The following TSPAN31 variants were observed in gnomAD, a reference collection of about 807,000 sequenced individuals.
TSPAN31 encodes tetraspanin-31.
TSPAN31 carries 16 observed loss-of-function variants against 24.8 expected under a neutral mutation model. The ratio of observed to expected loss-of-function variants is 0.64; its 90% CI spans 0.44 to 0.98. The LOEUF is 0.98. Ranked by LOEUF, TSPAN31 falls within the 50% of genes least tolerant of loss-of-function variation. The pLI is 0.00. For missense variants in TSPAN31, 209 were observed against 251.6 expected, an observed-to-expected ratio of 0.83 and a Z score of 1.15; for synonymous variants, 87 against 91.4, an observed-to-expected ratio of 0.95 and a Z score of 0.27.
Position 57,745,230 on chromosome 12 carries a change from A to T in TSPAN31, c.63+13A>T, listed in dbSNP as rs1428413637. 17 of 1,608,522 alleles carry T rather than the reference A, an allele frequency of 1.1e-5. No homozygotes were observed. Among genetic ancestry groups the T allele is most frequent in the Non-Finnish European group, 1.4e-5 (17 of 1,177,464 alleles). On this transcript the variant is annotated intron_variant, in intron 1 of 5. Transcript: ENST00000257910. ...CGTGGTCTACATGGTGAGGTTTTGG[A>T]GGTGGGGGAAGCTTCAAGGCGGAAA... is the stretch of plus-strand genomic sequence containing the variant.
Position 57,749,467 on chromosome 12 carries a change from C to G in TSPAN31, c.*2177C>G, listed in dbSNP as rs1555201123. On this transcript the variant is annotated 3_prime_UTR_variant, in exon 6 of 6. Transcript: ENST00000257910. ...TTGGTCACTTACTCAAAGATTTTGCCCAACTGGTCGGCTTCAGAGTTTCCA... is the reference window on the plus strand; with the variant it reads ...TTGGTCACTTACTCAAAGATTTTGCGCAACTGGTCGGCTTCAGAGTTTCCA... 2 of 1,614,140 alleles carry G rather than the reference C, an allele frequency of 1.2e-6. No homozygotes were observed. Among genetic ancestry groups the G allele is most frequent in the Non-Finnish European group, 1.7e-6 (2 of 1,180,004 alleles).
Position 57,747,802 on chromosome 12 carries a change from G to A in TSPAN31, c.*512G>A. ...CTGTTGCCCAGGCTGGAGTGCAATG[G>A]CATGATCTCGGCTCACCGCAACCTC... On this transcript the variant is annotated 3_prime_UTR_variant, in exon 6 of 6. Coordinates refer to ENST00000257910, the MANE Select transcript of TSPAN31 (RefSeq NM_005981.5). 1 of 167,104 alleles carries A rather than the reference G, an allele frequency of 6.0e-6. No homozygotes were observed. Among genetic ancestry groups the A allele is most frequent in the Non-Finnish European group, 1.3e-5 (1 of 76,942 alleles). The allele number at this position is 167,104 out of a possible 1,614,324, so 10.4% of individuals were successfully genotyped here.
Position 57,748,575 on chromosome 12 carries a change from G to A in TSPAN31, c.*1285G>A, listed in dbSNP as rs587779897. ...TGTAGATAAGAGTGCTGCAGAGCTC[G>A]AAAGGCAGAGATTCGCTTGTGTGGG... On this transcript the variant is annotated 3_prime_UTR_variant, in exon 6 of 6. Transcript: ENST00000257910. 1.2e-6 allele frequency: 2 copies of A among 1,613,990 alleles called. No individual in the cohort carries two copies. The highest frequency in any genetic ancestry group is 1.7e-6 in the Non-Finnish European group (2 of 1,179,876).
Position 57,745,849 on chromosome 12 carries a change from T to C in TSPAN31, c.168T>C (p.Leu56=), listed in dbSNP as rs1442415982. The C allele has an allele frequency of 6.2e-7, 1 of 1,613,866 alleles. No homozygotes were observed. The highest frequency in any genetic ancestry group is 8.5e-7 in the Non-Finnish European group (1 of 1,179,970). ...IGGVIAVGVF[L]LLIAVAGLVG... is the part of the protein sequence containing the mutation. ...GAGTCATTGCTGTGGGAGTCTTCCT[T>C]CTCCTTATTGCAGTGGCTGGACTGG... Residue 56 remains leucine, a synonymous_variant, in exon 2 of 6, where the codon CTT becomes CTC. Transcript: ENST00000257910.
chr12:57,749,200 C>T lies in TSPAN31; in HGVS notation c.*1910C>T, dbSNP rs201744062. 1.9e-5 allele frequency: 30 copies of T among 1,614,052 alleles called. No individual in the cohort carries two copies. The highest frequency in any genetic ancestry group is 3.3e-5 in the South Asian group (3 of 91,084). On this transcript the variant is annotated 3_prime_UTR_variant, in exon 6 of 6. Coordinates refer to ENST00000257910, the MANE Select transcript of TSPAN31 (RefSeq NM_005981.5). ...CCAGTACCAGCAGCAGCTGTGCTCC[C>T]GACTCCTCCATCTCAGGTACCACCG...
chr12:57,748,048 C>T lies in TSPAN31; in HGVS notation c.*758C>T, dbSNP rs1332147070. On this transcript the variant is annotated 3_prime_UTR_variant, in exon 6 of 6. Coordinates refer to ENST00000257910, the MANE Select transcript of TSPAN31 (RefSeq NM_005981.5). Reference sequence around the variant, plus strand: ...TGAGCCACCACGCCCCGCCTAAAATCCATATTCAAAGAAGCAATTTCAGTT... The same window carrying T: ...TGAGCCACCACGCCCCGCCTAAAATTCATATTCAAAGAAGCAATTTCAGTT... 3.9e-6 allele frequency: 1 copy of T among 255,810 alleles called. No homozygotes were observed. The highest frequency in any genetic ancestry group is 2.2e-5 in the African/African-American group (1 of 45,206). The allele number at this position is 255,810 out of a possible 1,614,324, so 15.8% of individuals were successfully genotyped here.
In TSPAN31 at chr12:57,749,098, C is replaced by T. The variant is rs1002207037; in HGVS notation, c.*1808C>T. 19 of 1,546,512 alleles carry T rather than the reference C, an allele frequency of 1.2e-5. No individual in the cohort carries two copies. The highest frequency in any genetic ancestry group is 2.7e-5 in the African/African-American group (2 of 73,588). On this transcript the variant is annotated 3_prime_UTR_variant, in exon 6 of 6. Coordinates refer to ENST00000257910, the MANE Select transcript of TSPAN31 (RefSeq NM_005981.5). ...CATCTACCAACCAAGTTTCATTAAC[C>T]ACAGTGGCCAGGGCCCTGCATACTG...
rs1306187762 is a variant in TSPAN31, at chr12:57,747,742, A to T, written c.*452A>T. 6.2e-6 allele frequency: 1 copy of T among 160,700 alleles called. No homozygotes were observed. The highest frequency in any genetic ancestry group is 1.4e-5 in the Non-Finnish European group (1 of 73,418). 10.0% of individuals were successfully genotyped at this position (160,700 alleles called of 1,614,324 possible). A position where few individuals can be genotyped will look rare whatever the true frequency, so the allele number is the denominator to read the frequency against. ...AAAAGTAAAAGCCATTTAAAAATCTATATTCTTTTTTTTTTTTTGACACAG... is the reference window on the plus strand; with the variant it reads ...AAAAGTAAAAGCCATTTAAAAATCTTTATTCTTTTTTTTTTTTTGACACAG... On this transcript the variant is annotated 3_prime_UTR_variant, in exon 6 of 6. Transcript: ENST00000257910.
In TSPAN31 at chr12:57,747,236, A is replaced by T; in HGVS notation, c.579A>T (p.Ala193=). The change falls in exon 6 of 6, where the codon GCA becomes GCT. Residue 193 remains alanine (A), a synonymous_variant. Transcript: ENST00000257910. ...TACAGATCCTTGGTGTTTGGCTAGCAATGAGATTTCGGAATCAGAAGGATC... is the reference window on the plus strand; with the variant it reads ...TACAGATCCTTGGTGTTTGGCTAGCTATGAGATTTCGGAATCAGAAGGATC... ...SFTEILGVWL[A]MRFRNQKDPR... 1 of 1,614,224 alleles carries T rather than the reference A, an allele frequency of 6.2e-7. No homozygotes were observed. Among genetic ancestry groups the T allele is most frequent in the Non-Finnish European group, 8.5e-7 (1 of 1,180,036 alleles).
chr12:57,746,592 G>A lies in TSPAN31; in HGVS notation c.316G>A (p.Asp106Asn), dbSNP rs535138914. The change falls in exon 4 of 6, where the codon GAT (aspartate) becomes AAT (asparagine). Residue 106 changes from aspartate to asparagine, a missense_variant. By Grantham distance (23) the Asp-to-Asn change is conservative. Coordinates refer to ENST00000257910, the MANE Select transcript of TSPAN31 (RefSeq NM_005981.5). ...TCCCTCTACCCATATCTTTCAGACA[G>A]ATGTCATCAATGCTTCTTGGTGGGT... ...CLAINRSKQTDVINASWWVMS... is the reference protein window; with the variant it reads ...CLAINRSKQTNVINASWWVMS... 1.2e-6 allele frequency: 2 copies of A among 1,614,134 alleles called. No individual in the cohort carries two copies. Among genetic ancestry groups the A allele is most frequent in the African/African-American group, 1.3e-5 (1 of 75,030 alleles).
At position 57,745,769 on chromosome 12, in the gene TSPAN31, G is replaced by A; in HGVS notation, c.88G>A (p.Val30Met). ...YMLVSLLLIGVAAWGKGLGLV... is the reference protein window; with the variant it reads ...YMLVSLLLIGMAAWGKGLGLV... ...GCTGGTGAGCTTGTTGCTCATTGGA[G>A]TGGCTGCTTGGGGCAAGGGCCTGGG... The change falls in exon 2 of 6, where the codon GTG (valine) becomes ATG (methionine). Residue 30 changes from valine (V) to methionine (M), a missense_variant. Coordinates refer to ENST00000257910, the MANE Select transcript of TSPAN31 (RefSeq NM_005981.5). The A allele has an allele frequency of 6.2e-7, 1 of 1,613,460 alleles. No individual in the cohort carries two copies. The highest frequency in any genetic ancestry group is 1.1e-5 in the South Asian group (1 of 91,046).
rs1955130474 is a variant in TSPAN31 at position 57,745,094 on chromosome 12, A to G, written c.-61A>G. On this transcript the variant is annotated 5_prime_UTR_variant, in exon 1 of 6. Coordinates refer to ENST00000257910, the MANE Select transcript of TSPAN31 (RefSeq NM_005981.5). ...ACAGAAGCTGTCGGGGTCCTGGAAGACGGTCCCCAATACCCTCCCCCCAAG... is the reference window on the plus strand; with the variant it reads ...ACAGAAGCTGTCGGGGTCCTGGAAGGCGGTCCCCAATACCCTCCCCCCAAG... The G allele has an allele frequency of 6.8e-7, 1 of 1,476,318 alleles. No homozygotes were observed. The highest frequency in any genetic ancestry group is 9.3e-7 in the Non-Finnish European group (1 of 1,076,736). The allele number at this position is 1,476,318 out of a possible 1,614,324, so 91.5% of individuals were successfully genotyped here.
intron 1 of TSPAN31, 43 bp from the exon 2 acceptor site, chr12:57,745,702 G>T: frequency 6.2e-7 from 1 of 1,610,880 alleles, no homozygotes; most frequent in Non-Finnish European, 8.5e-7. Context: ...GGGCTGTGCC[G>T]CATGCTAGAA....
rs1251828916 is a variant in TSPAN31 at position 57,746,698 on chromosome 12, A to G, written c.422A>G (p.Gln141Arg). 5.6e-6 allele frequency: 9 copies of G among 1,614,174 alleles called. No individual in the cohort carries two copies. Among genetic ancestry groups the G allele is most frequent in the Admixed American group, 1.7e-5 (1 of 60,022 alleles). Residue 141 changes from glutamine to arginine, a missense_variant, in exon 4 of 6, where the codon CAA becomes CGA. Physicochemically the swap from Gln to Arg is conservative, Grantham distance 43. Coordinates refer to ENST00000257910, the MANE Select transcript of TSPAN31 (RefSeq NM_005981.5). ...TTCAACCTCACAACCCTGTATCAAC[A>G]AGATTATGATTTCTGCACTGCAGTG... Reference protein sequence around the residue: ...GLFNLTTLYQQDYDFCTAICK... With the variant: ...GLFNLTTLYQRDYDFCTAICK...
intron 2 of TSPAN31, 99 bp downstream of exon 2, chr12:57,746,011 C>T (rs566227894): frequency 1.1e-5 from 16 of 1,479,796 alleles, no homozygotes; most frequent in Non-Finnish European, 9.1e-6. Context: ...ATCTTGGACA[C>T]GTCTCCTTGC....
rs1595108770 is a variant in TSPAN31 at position 57,749,258 on chromosome 12, G to T, written c.*1968G>T. On this transcript the variant is annotated 3_prime_UTR_variant, in exon 6 of 6. Transcript: ENST00000257910. ...TGGGCGGGGCCCTCTGGGGGGAAAG[G>T]CTCCACGGGGCAGGGATACATCTCG... The T allele has an allele frequency of 6.2e-7, 1 of 1,614,092 alleles. No individual in the cohort carries two copies. Among genetic ancestry groups the T allele is most frequent in the Non-Finnish European group, 8.5e-7 (1 of 1,179,940 alleles).
At position 57,748,568 on chromosome 12, in the gene TSPAN31, A is replaced by G. The variant is rs768127244; in HGVS notation, c.*1278A>G. On this transcript the variant is annotated 3_prime_UTR_variant, in exon 6 of 6. Transcript: ENST00000257910. ...ATCCTTATGTAGATAAGAGTGCTGC[A>G]GAGCTCGAAAGGCAGAGATTCGCTT... 1.9e-6 allele frequency: 3 copies of G among 1,613,920 alleles called. No individual in the cohort carries two copies. The African/African-American group carries it at 4.0e-5, about 22-fold the overall frequency.
At chr12:57,746,369 C>A in intron 3 of TSPAN31, 113 bp downstream of exon 3, 1 of 1,172,830 alleles carries the variant, frequency 8.5e-7, no homozygotes, top group Non-Finnish European at 1.3e-6. Context: ...AGGTGCACTG[C>A]TTCTGGCCTC....
chr12:57,746,476 TGCACACC>T lies in TSPAN31; in HGVS notation c.313-111_313-105del, dbSNP rs1385720851. The T allele has an allele frequency of 5.9e-6, 8 of 1,353,372 alleles. No homozygotes were observed. The Admixed American group carries it at 1.3e-4, about 23-fold the overall frequency. The allele number at this position is 1,353,372 out of a possible 1,614,324, so 83.8% of individuals were successfully genotyped here. A position where few individuals can be genotyped will look rare whatever the true frequency, so the allele number is the denominator to read the frequency against. The stretch of plus-strand genomic sequence containing the variant: ...AGATATTTATCGTGTCTATAATTGT[TGCACACC>T]GTTATGCTTCTGTTTGACTTCCTTT... On this transcript the variant is annotated intron_variant, in intron 3 of 5. Transcript: ENST00000257910.
Sources: allele counts gnomAD v4.1 joint callset, GRCh38; gene constraint gnomAD v4.1.1; transcripts MANE v1.5; gene names NCBI Gene and HGNC (gene_info 2026-07-23, HGNC 2026-07-21).